The following ACTN1 variants were observed in gnomAD, a reference collection of about 807,000 sequenced individuals.
The protein encoded by ACTN1 is actinin alpha 1, also known as alpha-actinin-1.
Under a neutral mutation model 119.6 loss-of-function variants are expected in ACTN1, and 30 were observed. That is an observed-to-expected ratio of 0.25 (90% CI 0.19 to 0.34). ACTN1 has a LOEUF of 0.34. Ranked by LOEUF, ACTN1 falls within the 10% of genes least tolerant of loss-of-function variation. ACTN1 has a pLI of 1.00. For synonymous variants in ACTN1, 429 were observed against 472.6 expected (o/e 0.91, Z 1.20); for missense variants, 764 against 1,223.4 (o/e 0.62, Z 5.60).
At chr14:68,875,276 G>T in intron 21 of ACTN1, 1 of 886,886 alleles carries the variant, frequency 1.1e-6, no homozygotes. Context: ...AATTCCATGT[G>T]CCAATTACAC....
intron 3 of ACTN1, among the ~76,000 whole-genome samples, chr14:68,912,957 G>C (rs1331563205): frequency 6.6e-6 from 1 of 152,162 alleles, no homozygotes; most frequent in Non-Finnish European, 1.5e-5. Flanking sequence ...AAAAACAGTG[G>C]AATCAAGAGA....
At chr14:68,918,245 G>C (rs1004255333) in intron 3 of ACTN1, among the ~76,000 whole-genome samples, 2 of 152,192 alleles carry the variant, frequency 1.3e-5, no homozygotes, top group Non-Finnish European at 2.9e-5. Context: ...CAGCATGGCA[G>C]GGGCAGGCTT....
intron 1 of ACTN1, among the ~76,000 whole-genome samples, chr14:68,956,454 C>T (rs1043005654): frequency 6.6e-6 from 1 of 152,138 alleles, no homozygotes; most frequent in Non-Finnish European, 1.5e-5. Flanking sequence ...TTAAGTAGGG[C>T]GCTTGCTGGA....
At position 68,874,727 on chromosome 14, in the gene ACTN1, C is replaced by G. The variant is rs2030640453; in HGVS notation, c.*132G>C. ...CTGTCACTTCGCGGGCAGGGAGGAT[C>G]GATGCCACGTGGGCCCCAGCTCACC... On this transcript the variant is annotated 3_prime_UTR_variant, in exon 22 of 22. Coordinates refer to ENST00000394419, the MANE Select transcript of ACTN1 (RefSeq NM_001130004.2). The G allele has an allele frequency of 2.3e-6, 2 of 875,722 alleles. No homozygotes were observed. The highest frequency in any genetic ancestry group is 3.8e-5 in the South Asian group (1 of 26,154). The allele number at this position is 875,722 out of a possible 1,614,324, so 54.2% of individuals were successfully genotyped here.
chr14:68,972,084 G>A (rs1223425057), intron 1 of ACTN1, among the ~76,000 whole-genome samples: 2 of 152,096 alleles, frequency 1.3e-5, no homozygotes, highest in Non-Finnish European at 2.9e-5. Context: ...AGCAATCCCA[G>A]GCCAAGAGGG....
chr14:68,885,346 CA>C lies in ACTN1; in HGVS notation c.1385+78del. 1 of 1,506,134 alleles carries C rather than the reference CA, an allele frequency of 6.6e-7. No homozygotes were observed. Among genetic ancestry groups the C allele is most frequent in the Non-Finnish European group, 8.9e-7 (1 of 1,124,974 alleles). 93.3% of individuals were successfully genotyped at this position (1,506,134 alleles called of 1,614,324 possible). ...CCACCCTCCCCATCTTCCACGGCCA[CA>C]CCCCCACCTCCCCCAGCAGCTGAGA... On this transcript the variant is annotated intron_variant, in intron 12 of 21. Transcript: ENST00000394419. This position sits in a 1 kb window ranked among gnomAD's most constrained non-coding sequence, Gnocchi z 5.6.
chr14:68,892,387 G>C, intron 9 of ACTN1, 104 bp from the exon 10 acceptor site: 1 of 1,208,608 alleles, frequency 8.3e-7, no homozygotes, highest in Non-Finnish European at 1.2e-6. Context: ...TGGGGAAGGG[G>C]TCTCTCCTAA....
chr14:68,917,886 T>C (rs889409252), intron 3 of ACTN1, among the ~76,000 whole-genome samples: 15 of 151,966 alleles, frequency 9.9e-5, no homozygotes, highest in Admixed American at 7.9e-4. Context: ...GCCAACATAG[T>C]GAAACCCCAT....
chr14:68,914,942 G>C (rs960934635), intron 3 of ACTN1, among the ~76,000 whole-genome samples: 1 of 152,158 alleles, frequency 6.6e-6, no homozygotes, highest in Non-Finnish European at 1.5e-5. Flanking sequence ...CAAGGAGCAC[G>C]CATTTTACAG....
At chr14:68,930,629 C>G (rs1316069916) in intron 1 of ACTN1, among the ~76,000 whole-genome samples, 6 of 152,144 alleles carry the variant, frequency 3.9e-5, no homozygotes, top group Non-Finnish European at 8.8e-5. Flanking sequence ...AGGATTTAGT[C>G]ACTCTAAAGA....
At position 68,879,738 on chromosome 14, in the gene ACTN1, G is replaced by A. The variant is rs2031314910; in HGVS notation, c.2280+224C>T. ...GTCAAAGGTCCTCTTTCTACCCACA[G>A]TCTGAACACTCTCTCCCGGAAAGCA... On this transcript the variant is annotated intron_variant, in intron 18 of 21. Transcript: ENST00000394419. The surrounding 1 kb of genome is among the most constrained non-coding windows in gnomAD (Gnocchi z 4.9). The A allele has an allele frequency of 3.6e-6, 2 of 549,478 alleles. No homozygotes were observed. Among genetic ancestry groups the A allele is most frequent in the Non-Finnish European group, 6.4e-6 (2 of 314,174 alleles). The allele number at this position is 549,478 out of a possible 1,614,324, so 34.0% of individuals were successfully genotyped here.
intron 1 of ACTN1, among the ~76,000 whole-genome samples, chr14:68,940,185 G>A (rs1438607556): frequency 2.6e-5 from 4 of 152,218 alleles, no homozygotes; most frequent in Admixed American, 6.5e-5. Flanking sequence ...GGCCTCAGCA[G>A]GCTGTAGCTC....
chr14:68,951,583 C>G (rs1199640298), intron 1 of ACTN1, among the ~76,000 whole-genome samples: 1 of 152,148 alleles, frequency 6.6e-6, no homozygotes, highest in Non-Finnish European at 1.5e-5. Flanking sequence ...ACTCCGTTTC[C>G]CCAACTCTAA....
At chr14:68,933,338 G>A (rs1180625204) in intron 1 of ACTN1, among the ~76,000 whole-genome samples, 1 of 151,968 alleles carries the variant, frequency 6.6e-6, no homozygotes, top group Non-Finnish European at 1.5e-5. Flanking sequence ...GTTTCACCGT[G>A]TTGGCCAGGC....
rs769214912 is a variant in ACTN1, at chr14:68,878,584, C to T, written c.2362-61G>A. On this transcript the variant is annotated intron_variant, in intron 19 of 21. Coordinates refer to ENST00000394419, the MANE Select transcript of ACTN1 (RefSeq NM_001130004.2). This position sits in a 1 kb window ranked among gnomAD's most constrained non-coding sequence, Gnocchi z 4.4. ...TCGGGAAGGCAGGAAGAGGAAGGGC[C>T]GGCCCGGGGCCAGGAAGACAGGAAC... 11 of 1,607,028 alleles carry T rather than the reference C, an allele frequency of 6.8e-6. No individual in the cohort carries two copies. The highest frequency in any genetic ancestry group is 2.7e-5 in the African/African-American group (2 of 74,778).
chr14:68,882,681 G>A lies in ACTN1; in HGVS notation c.1819-89C>T. On this transcript the variant is annotated intron_variant, in intron 15 of 21. Coordinates refer to ENST00000394419, the MANE Select transcript of ACTN1 (RefSeq NM_001130004.2). The surrounding 1 kb of genome is among the most constrained non-coding windows in gnomAD (Gnocchi z 4.5). ...GGAAATGGAGGACCCAGAAGGGGAA[G>A]GGCCGGTCAGTAACAGAACAGGAGT... 1 of 1,577,890 alleles carries A rather than the reference G, an allele frequency of 6.3e-7. No homozygotes were observed. Among genetic ancestry groups the A allele is most frequent in the Non-Finnish European group, 8.6e-7 (1 of 1,157,252 alleles).
rs529273762 is a variant in ACTN1 at position 68,923,419 on chromosome 14, C to T, written c.220+2139G>A. On this transcript the variant is annotated intron_variant, in intron 2 of 21. Transcript: ENST00000394419. Reference sequence around the variant, plus strand: ...AGGGTGAAGCCTTCTTGAAGGACACCCTCAAGCTGCATTTTGAAGAATGAT... The same window carrying T: ...AGGGTGAAGCCTTCTTGAAGGACACTCTCAAGCTGCATTTTGAAGAATGAT... Among the ~76,000 whole-genome samples the T allele has an allele frequency of 2.0e-5, 3 of 152,162 alleles. No homozygotes were observed. In the East Asian group the frequency reaches 5.8e-4, roughly 29 times the overall value.
chr14:68,926,833 T>C (rs565450238), intron 1 of ACTN1, among the ~76,000 whole-genome samples: 74 of 152,214 alleles, frequency 4.9e-4, no homozygotes, highest in African/African-American at 1.7e-3. Context: ...GGGAAGAACA[T>C]CACACCAGCG....
intron 6 of ACTN1, among the ~76,000 whole-genome samples, chr14:68,907,253 C>T (rs1376366947): frequency 1.2e-5 from 1 of 83,874 alleles, no homozygotes; most frequent in African/African-American, 5.2e-5. Context: ...CACAGCAAGA[C>T]TCTCTTAAAA....
Sources: allele counts gnomAD v4.1 joint callset (sites outside exome capture counted in the v4.1 genomes callset), GRCh38; gene constraint gnomAD v4.1.1; non-coding constraint Gnocchi (gnomAD v3.1); transcripts MANE v1.5; gene names NCBI Gene and HGNC (gene_info 2026-07-23, HGNC 2026-07-21).